GALNT15: variants seen among roughly 807,000 people sequenced by gnomAD.
GALNT15 encodes the protein polypeptide N-acetylgalactosaminyltransferase 15.
A neutral mutation model predicts 66.8 loss-of-function variants in GALNT15; 67 were observed. That is an observed-to-expected ratio of 1.00 (90% CI 0.82 to 1.23). The LOEUF (loss-of-function observed/expected upper bound fraction) is 1.23, where lower values mean the gene tolerates loss of function less well. GALNT15 is among the 50% of genes most tolerant of loss of function. The pLI is 0.00. For synonymous variants in GALNT15, 313 were observed against 311.5 expected (o/e 1.00, Z -0.05); for missense variants, 827 against 804.3 (o/e 1.03, Z -0.34).
chr3:16,235,431 G>A (rs2124917432), downstream of GALNT15, among the ~76,000 whole-genome samples: 1 of 152,318 alleles, frequency 6.6e-6, no homozygotes, highest in South Asian at 2.1e-4. Flanking sequence ...ACATACCAGT[G>A]TTAGAGGATA....
At chr3:16,232,487 TATATATATATATATATATATA>T (rs2064093626), downstream of GALNT15, among the ~76,000 whole-genome samples, 1 of 77,496 alleles carries the variant, frequency 1.3e-5, no homozygotes, top group African/African-American at 5.4e-5. Flanking sequence ...TATATATATA[TATATATATATATATATATATA>T]TATTTATTTA....
chr3:16,227,020 C>A lies in GALNT15; in HGVS notation c.1774-334C>A, dbSNP rs546691260. On this transcript the variant is annotated intron_variant, in intron 9 of 9. Transcript: ENST00000339732. This position sits in a 1 kb window ranked among gnomAD's most constrained non-coding sequence, Gnocchi z 4.5. Reference sequence around the variant, plus strand: ...AAATCGTTTTGAAAGCAGAAATTTACAACTACAGTGATAACAATGAATGTC... The same window carrying A: ...AAATCGTTTTGAAAGCAGAAATTTAAAACTACAGTGATAACAATGAATGTC... Among the ~76,000 whole-genome samples, 1 of 152,286 alleles carries A rather than the reference C, an allele frequency of 6.6e-6. No homozygotes were observed. The highest frequency in any genetic ancestry group is 2.1e-4 in the South Asian group (1 of 4,828).
At chr3:16,235,223 G>A (rs371371005), downstream of GALNT15, among the ~76,000 whole-genome samples, 7 of 151,936 alleles carry the variant, frequency 4.6e-5, no homozygotes, top group East Asian at 5.8e-4. Flanking sequence ...GTGCCTGGCC[G>A]GTCCTTACCC....
At chr3:16,196,687 A>G (rs1416186605) in intron 2 of GALNT15, among the ~76,000 whole-genome samples, 1 of 152,124 alleles carries the variant, frequency 6.6e-6, no homozygotes, top group Non-Finnish European at 1.5e-5. Flanking sequence ...AAGAATTTGC[A>G]TTTCTAACAA....
rs1401617801 is a variant in GALNT15, at chr3:16,187,229, A to T, written c.540-8531A>T. 6.6e-6 allele frequency among the ~76,000 whole-genome samples: 1 copy of T among 152,006 alleles called. No individual in the cohort carries two copies. The highest frequency in any genetic ancestry group is 1.5e-5 in the Non-Finnish European group (1 of 67,986). On this transcript the variant is annotated intron_variant, in intron 1 of 9. Coordinates refer to ENST00000339732, the MANE Select transcript of GALNT15 (RefSeq NM_054110.5). The surrounding 1 kb of genome is among the most constrained non-coding windows in gnomAD (Gnocchi z 5.1). ...CAGTGAGCTAAGATAATGCCACTGC[A>T]CTCCAGCCTGGGTGACAGAACAAGA...
At position 16,227,487 on chromosome 3, in the gene GALNT15, T is replaced by A. The variant is rs2124909269; in HGVS notation, c.1907T>A (p.Val636Glu). 1 of 1,614,156 alleles carries A rather than the reference T, an allele frequency of 6.2e-7. No individual in the cohort carries two copies. Among genetic ancestry groups the A allele is most frequent in the Middle Eastern group, 1.6e-4 (1 of 6,062 alleles). The change falls in exon 10 of 10, where the codon GTG (valine) becomes GAG (glutamate). Residue 636 changes from valine to glutamate, a missense_variant. Val to Glu is a moderately radical substitution (Grantham distance 121, BLOSUM62 -2). Transcript: ENST00000339732. The surrounding 1 kb of genome is among the most constrained non-coding windows in gnomAD (Gnocchi z 4.5). ...QQWRFDQINA[V>E]DER ...TGGCGTTTTGACCAGATCAATGCTG[T>A]GGATGAACGATGAATGTCAATGTCA...
At chr3:16,233,830 C>T (rs1343936058), downstream of GALNT15, among the ~76,000 whole-genome samples, 2 of 152,134 alleles carry the variant, frequency 1.3e-5, no homozygotes, top group Admixed American at 1.3e-4. Context: ...CAGCGCTTCT[C>T]CTGAGGGAAT....
chr3:16,241,140 A>G, the GALNT15 span, among the ~76,000 whole-genome samples: 2 of 152,178 alleles, frequency 1.3e-5, no homozygotes, highest in East Asian at 3.9e-4. The surrounding 1 kb of genome is among the most constrained non-coding windows in gnomAD (Gnocchi z 4.6). Context: ...CTGTCTTAAC[A>G]TGGACCACTT....
At chr3:16,185,484 G>A (rs1307705218) in intron 1 of GALNT15, among the ~76,000 whole-genome samples, 4 of 152,292 alleles carry the variant, frequency 2.6e-5, no homozygotes, top group African/African-American at 9.6e-5. Flanking sequence ...TTTCCTAAAA[G>A]TGATTCTTGC....
the GALNT15 span, among the ~76,000 whole-genome samples, chr3:16,245,788 G>C: frequency 6.6e-6 from 1 of 152,188 alleles, no homozygotes; most frequent in Non-Finnish European, 1.5e-5. Context: ...AGCTCAGGAG[G>C]CCCATATGAA....
At chr3:16,244,849 T>C in the GALNT15 span, among the ~76,000 whole-genome samples, 1 of 152,116 alleles carries the variant, frequency 6.6e-6, no homozygotes, top group Non-Finnish European at 1.5e-5. Context: ...AACTCCAAAG[T>C]TCAGTAAGGT....
Position 16,228,974 on chromosome 3 carries a change from A to G in GALNT15, c.*1474A>G, listed in dbSNP as rs1478193165. ...TCCTTGCTATGACTTGGCTTACCTG[A>G]ATTAGCTGTAAGAGTTGCCGAATGG... is the stretch of plus-strand genomic sequence containing the variant. On this transcript the variant is annotated 3_prime_UTR_variant, in exon 10 of 10. Coordinates refer to ENST00000339732, the MANE Select transcript of GALNT15 (RefSeq NM_054110.5). 1 of 985,318 alleles carries G rather than the reference A, an allele frequency of 1.0e-6. No homozygotes were observed. The highest frequency in any genetic ancestry group is 1.2e-6 in the Non-Finnish European group (1 of 829,944). The allele number at this position is 985,318 out of a possible 1,614,324, so 61.0% of individuals were successfully genotyped here.
At chr3:16,215,693 T>C (rs1022858568) in intron 6 of GALNT15, among the ~76,000 whole-genome samples, 1 of 152,078 alleles carries the variant, frequency 6.6e-6, no homozygotes, top group African/African-American at 2.4e-5. Flanking sequence ...GGGTGGATCA[T>C]GAGGTCAAGA....
At chr3:16,205,606 G>T (rs2063748249) in intron 3 of GALNT15, among the ~76,000 whole-genome samples, 1 of 152,212 alleles carries the variant, frequency 6.6e-6, no homozygotes, top group African/African-American at 2.4e-5. Flanking sequence ...AGTCAAACGA[G>T]GTCAGCTCGC....
chr3:16,237,221 A>G, the GALNT15 span, among the ~76,000 whole-genome samples: 1 of 152,230 alleles, frequency 6.6e-6, no homozygotes, highest in East Asian at 1.9e-4. This position sits in a 1 kb window ranked among gnomAD's most constrained non-coding sequence, Gnocchi z 4.2. Flanking sequence ...AGGGACTTCC[A>G]AAAGCAAGCC....
At position 16,182,181 on chromosome 3, in the gene GALNT15, A is replaced by C. The variant is rs1049617329; in HGVS notation, c.539+6491A>C. Among the ~76,000 whole-genome samples, 33 of 152,268 alleles carry C rather than the reference A, an allele frequency of 2.2e-4. No homozygotes were observed. Among genetic ancestry groups the C allele is most frequent in the African/African-American group, 7.9e-4 (33 of 41,552 alleles). On this transcript the variant is annotated intron_variant, in intron 1 of 9. Transcript: ENST00000339732. The surrounding 1 kb of genome is among the most constrained non-coding windows in gnomAD (Gnocchi z 6.1). Reference sequence around the variant, plus strand: ...CTCAGACCTGCAGCCTCAGAAATGCAGACCCTTCAGACCCCACTTAAACCT... The same window carrying C: ...CTCAGACCTGCAGCCTCAGAAATGCCGACCCTTCAGACCCCACTTAAACCT...
At chr3:16,237,514 C>A in the GALNT15 span, among the ~76,000 whole-genome samples, 1 of 152,232 alleles carries the variant, frequency 6.6e-6, no homozygotes, top group African/African-American at 2.4e-5. This position sits in a 1 kb window ranked among gnomAD's most constrained non-coding sequence, Gnocchi z 4.2. Context: ...TGTTGCTCTA[C>A]TGGCCGTGCT....
Position 16,219,304 on chromosome 3 carries a change from C to T in GALNT15, c.1393-99C>T, listed in dbSNP as rs1488829766. 2.0e-6 allele frequency: 3 copies of T among 1,506,924 alleles called. No homozygotes were observed. In the East Asian group the frequency reaches 6.8e-5, roughly 34 times the overall value. 93.3% of individuals were successfully genotyped at this position (1,506,924 alleles called of 1,614,324 possible). A position where few individuals can be genotyped will look rare whatever the true frequency, so the allele number is the denominator to read the frequency against. ...GTGGTCTTGGCCCCTTCCTTCTGTCCTGATCCTTTAGCTTCTTCCCAGCCA... is the reference window on the plus strand; with the variant it reads ...GTGGTCTTGGCCCCTTCCTTCTGTCTTGATCCTTTAGCTTCTTCCCAGCCA... On this transcript the variant is annotated intron_variant, in intron 6 of 9. Transcript: ENST00000339732. The surrounding 1 kb of genome is among the most constrained non-coding windows in gnomAD (Gnocchi z 4.3).
In GALNT15 at chr3:16,186,771, G is replaced by T. The variant is rs1047500627; in HGVS notation, c.540-8989G>T. 2.0e-5 allele frequency among the ~76,000 whole-genome samples: 3 copies of T among 152,296 alleles called. No individual in the cohort carries two copies. Among genetic ancestry groups the T allele is most frequent in the Non-Finnish European group, 2.9e-5 (2 of 68,028 alleles). On this transcript the variant is annotated intron_variant, in intron 1 of 9. Transcript: ENST00000339732. The surrounding 1 kb of genome is among the most constrained non-coding windows in gnomAD (Gnocchi z 5.1). ...CAGAAAGTAGGTTAGTGGTTGCCAC[G>T]GGCTGTGGTAGTTGTGGGAGCAGTG...
Sources: allele counts gnomAD v4.1 joint callset (sites outside exome capture counted in the v4.1 genomes callset), GRCh38; gene constraint gnomAD v4.1.1; non-coding constraint Gnocchi (gnomAD v3.1); transcripts MANE v1.5; gene names NCBI Gene and HGNC (gene_info 2026-07-23, HGNC 2026-07-21).